NRXN1: variants seen among roughly 807,000 people sequenced by gnomAD.
NRXN1 encodes neurexin-1.
In NRXN1, 39 loss-of-function variants were observed where a neutral mutation model predicts 150.9. That is an observed-to-expected ratio of 0.26 (90% confidence interval 0.20 to 0.34). The LOEUF (loss-of-function observed/expected upper bound fraction) is 0.34, where lower values mean the gene tolerates loss of function less well. NRXN1 is among the 10% of genes least tolerant of loss of function. The pLI is 1.00. For missense variants in NRXN1, 1,815 were observed against 1,949.9 expected (o/e 0.93, Z 1.30); for synonymous variants, 924 against 757.0 (o/e 1.22, Z -3.62).
intron 10 of NRXN1, among the ~76,000 whole-genome samples, chr2:50,533,724 T>C (rs1221170253): frequency 6.6e-6 from 1 of 152,130 alleles, no homozygotes; most frequent in East Asian, 1.9e-4. Flanking sequence ...TATGTCCCGC[T>C]TCTTGTTCAG....
At chr2:50,639,631 T>C (rs1683777191) in intron 5 of NRXN1, among the ~76,000 whole-genome samples, 3 of 152,166 alleles carry the variant, frequency 2.0e-5, no homozygotes, top group Admixed American at 2.0e-4. Flanking sequence ...TTTTTCATCA[T>C]GACATTCCAT....
At chr2:49,950,717 G>A (rs961745811) in intron 21 of NRXN1, among the ~76,000 whole-genome samples, 11 of 151,744 alleles carry the variant, frequency 7.2e-5, no homozygotes, top group Non-Finnish European at 1.6e-4. Context: ...ATCCTTATCT[G>A]GAATGCAGAT....
rs1667693638 is a variant in NRXN1, at chr2:49,918,562, A to G, written c.*3382T>C. On this transcript the variant is annotated 3_prime_UTR_variant, in exon 23 of 23. Coordinates refer to ENST00000401669, the MANE Select transcript of NRXN1 (RefSeq NM_001330078.2). Reference sequence around the variant, plus strand: ...CTTAACTTGGATTCCATTGTCTTTTATAGAGAAAAAGCATATTTATGAAAT... The same window carrying G: ...CTTAACTTGGATTCCATTGTCTTTTGTAGAGAAAAAGCATATTTATGAAAT... 6.6e-6 allele frequency: 1 copy of G among 152,030 alleles called. No individual in the cohort carries two copies. Among genetic ancestry groups the G allele is most frequent in the Non-Finnish European group, 1.5e-5 (1 of 67,940 alleles). 9.4% of individuals were successfully genotyped at this position (152,030 alleles called of 1,614,324 possible). A position where few individuals can be genotyped will look rare whatever the true frequency, so the allele number is the denominator to read the frequency against.
chr2:50,299,773 C>T (rs2073984498), intron 17 of NRXN1, among the ~76,000 whole-genome samples: 1 of 152,106 alleles, frequency 6.6e-6, no homozygotes, highest in Admixed American at 6.6e-5. Context: ...GGTTCCAGTC[C>T]TTTCGAAATG....
At chr2:50,494,430 A>G (rs567975493) in intron 15 of NRXN1, among the ~76,000 whole-genome samples, 10 of 152,300 alleles carry the variant, frequency 6.6e-5, no homozygotes, top group South Asian at 2.1e-4. Flanking sequence ...ACAGGGGGCC[A>G]TGAAAAATAC....
intron 21 of NRXN1, among the ~76,000 whole-genome samples, chr2:50,016,950 G>A (rs894088460): frequency 2.6e-5 from 4 of 152,058 alleles, no homozygotes; most frequent in African/African-American, 9.7e-5. Context: ...AAGTAACAAA[G>A]AGCCTGGAAT....
At chr2:49,963,777 G>A (rs979676780) in intron 21 of NRXN1, among the ~76,000 whole-genome samples, 1 of 152,108 alleles carries the variant, frequency 6.6e-6, no homozygotes, top group Non-Finnish European at 1.5e-5. Context: ...GTCTATGAAC[G>A]GTGAATTAAA....
chr2:50,487,428 G>A lies in NRXN1; in HGVS notation c.3070+8477C>T, dbSNP rs78540118. On this transcript the variant is annotated intron_variant, in intron 15 of 22. Transcript: ENST00000401669. Reference sequence around the variant, plus strand: ...CATTCATGTGATGTCAATGGGGGACGCTGATTGACCTAATGTGGTTCCTAA... The same window carrying A: ...CATTCATGTGATGTCAATGGGGGACACTGATTGACCTAATGTGGTTCCTAA... Among the ~76,000 whole-genome samples, 48 of 152,278 alleles carry A rather than the reference G, an allele frequency of 3.2e-4. No individual in the cohort carries two copies. In the East Asian group the frequency reaches 6.6e-3, roughly 21 times the overall value.
chr2:50,865,294 T>G (rs1676720676), intron 5 of NRXN1, among the ~76,000 whole-genome samples: 1 of 151,966 alleles, frequency 6.6e-6, no homozygotes, highest in Non-Finnish European at 1.5e-5. Context: ...TCCTGTAATT[T>G]ATATTTCATT....
At chr2:50,917,487 G>C (rs1262192547) in intron 5 of NRXN1, 1 of 151,708 alleles carries the variant, frequency 6.6e-6, no homozygotes, top group African/African-American at 2.4e-5. Context: ...CATGGAAACT[G>C]TGTGATCTGA....
chr2:50,352,087 T>C (rs1418435460), intron 17 of NRXN1, among the ~76,000 whole-genome samples: 1 of 152,148 alleles, frequency 6.6e-6, no homozygotes, highest in Non-Finnish European at 1.5e-5. Context: ...ACCTAAGGAC[T>C]GTATGTGCTA....
At chr2:50,791,270 T>C (rs989966151) in intron 5 of NRXN1, among the ~76,000 whole-genome samples, 15 of 111,738 alleles carry the variant, frequency 1.3e-4, no homozygotes, top group African/African-American at 4.9e-4. Context: ...TCCCTTGAGA[T>C]AGAAATAGTC....
At chr2:49,960,920 G>T (rs1403325118) in intron 21 of NRXN1, among the ~76,000 whole-genome samples, 2 of 152,010 alleles carry the variant, frequency 1.3e-5, no homozygotes, top group Non-Finnish European at 2.9e-5. Context: ...CTATAATTGG[G>T]TAAGTTTTAA....
At chr2:50,656,558 G>C (rs1686494942) in intron 5 of NRXN1, 1 of 577,410 alleles carries the variant, frequency 1.7e-6, no homozygotes, top group Non-Finnish European at 3.2e-6. Flanking sequence ...GTATACAAAA[G>C]AATGGTTAAA....
intron 22 of NRXN1, among the ~76,000 whole-genome samples, chr2:49,924,131 C>G (rs1668685544): frequency 6.6e-6 from 1 of 152,208 alleles, no homozygotes; most frequent in Non-Finnish European, 1.5e-5. Context: ...GCTGCTTTCA[C>G]TAAATGAAAA....
chr2:50,439,642 TA>T (rs903991585), intron 17 of NRXN1, among the ~76,000 whole-genome samples: 6 of 147,610 alleles, frequency 4.1e-5, no homozygotes, highest in East Asian at 2.0e-4. Context: ...CCATCTCTAC[TA>T]AAAAAAAAAT....
chr2:50,917,283 G>T (rs1014267644), intron 5 of NRXN1: 2 of 151,628 alleles, frequency 1.3e-5, no homozygotes, highest in African/African-American at 2.4e-5. Context: ...TACAATTTAA[G>T]AATTTATACA....
chr2:50,306,754 C>T (rs1432460441), intron 17 of NRXN1, among the ~76,000 whole-genome samples: 2 of 152,208 alleles, frequency 1.3e-5, no homozygotes, highest in East Asian at 3.8e-4. Flanking sequence ...TTAATACTGA[C>T]ATTTTTGAGT....
intron 17 of NRXN1, among the ~76,000 whole-genome samples, chr2:50,339,712 AC>A (rs1223618843): frequency 2.0e-5 from 3 of 152,154 alleles, no homozygotes; most frequent in Non-Finnish European, 2.9e-5. Context: ...CCTGAGCATA[AC>A]CCTTCAAGTC....
Sources: gnomAD v4.1 joint callset for allele counts (sites outside exome capture counted in the v4.1 genomes callset) on GRCh38, gnomAD v4.1.1 for gene constraint, MANE v1.5 for transcripts, NCBI Gene and HGNC (gene_info 2026-07-23, HGNC 2026-07-21) for gene names.